SGCG: variants seen among roughly 807,000 people sequenced by gnomAD.
SGCG encodes the protein gamma-sarcoglycan.
In SGCG, 26 loss-of-function variants were observed where a neutral mutation model predicts 29.3. The ratio of observed to expected loss-of-function variants is 0.89; its 90% confidence interval spans 0.65 to 1.23. The LOEUF is 1.23. SGCG is among the 50% of genes most tolerant of loss of function. SGCG has a pLI of 0.00. For synonymous variants in SGCG, 145 were observed against 129.7 expected, an observed-to-expected ratio of 1.12 and a Z score of -0.80; for missense variants, 353 against 356.0, an observed-to-expected ratio of 0.99 and a Z score of 0.07.
chr13:23,183,938 T>C (rs1425434287), intron 1 of SGCG, among the ~76,000 whole-genome samples: 1 of 152,232 alleles, frequency 6.6e-6, no homozygotes, highest in African/African-American at 2.4e-5. Context: ...AGTGCTGGGA[T>C]TACAGGCATG....
intron 1 of SGCG, among the ~76,000 whole-genome samples, chr13:23,191,117 A>G (rs1877230151): frequency 1.3e-5 from 2 of 152,188 alleles, no homozygotes; most frequent in African/African-American, 4.8e-5. Context: ...TCAAGACATA[A>G]ATCATCTTCT....
chr13:23,203,065 T>C (rs1877827881), intron 1 of SGCG, among the ~76,000 whole-genome samples: 1 of 152,104 alleles, frequency 6.6e-6, no homozygotes, highest in East Asian at 1.9e-4. Context: ...GTTCAAGCGA[T>C]TCTCCTGCCT....
intron 1 of SGCG, among the ~76,000 whole-genome samples, chr13:23,197,295 C>T (rs1022391091): frequency 6.6e-6 from 1 of 152,148 alleles, no homozygotes; most frequent in Non-Finnish European, 1.5e-5. Context: ...TGACTTCTCA[C>T]GTGGGTTACC....
chr13:23,244,392 G>C (rs560420989), intron 3 of SGCG: 1 of 152,314 alleles, frequency 6.6e-6, no homozygotes, highest in African/African-American at 2.4e-5. Context: ...GAAATTATGA[G>C]AAGCCTTTGT....
intron 5 of SGCG, among the ~76,000 whole-genome samples, chr13:23,293,640 G>A (rs1881798607): frequency 1.3e-5 from 2 of 152,140 alleles, no homozygotes; most frequent in Admixed American, 1.3e-4. Flanking sequence ...AGACCAGACT[G>A]GCCAACATGT....
intron 3 of SGCG, among the ~76,000 whole-genome samples, chr13:23,236,446 G>A (rs1879314936): frequency 6.6e-6 from 1 of 152,148 alleles, no homozygotes; most frequent in Non-Finnish European, 1.5e-5. Flanking sequence ...GGGAGGCCGA[G>A]GCGGGCAGAT....
At chr13:23,222,433 GA>G (rs1878706625) in intron 2 of SGCG, among the ~76,000 whole-genome samples, 1 of 60,506 alleles carries the variant, frequency 1.7e-5, no homozygotes, top group African/African-American at 5.2e-5. Flanking sequence ...TTTTATGTAT[GA>G]TGTGAGAGAG....
At position 23,236,087 on chromosome 13, in the gene SGCG, T is replaced by C. The variant is rs73435030; in HGVS notation, c.297+1375T>C. On this transcript the variant is annotated intron_variant, in intron 3 of 7. Transcript: ENST00000218867. ...AGCCAGAAGATGACCTGCAGTATAA[T>C]AGGCAGGTAAGAGCCTGATTCTGTG... 1.8e-3 allele frequency among the ~76,000 whole-genome samples: 273 copies of C among 152,322 alleles called. 1 individual carries two copies. Among genetic ancestry groups the C allele is most frequent in the African/African-American group, 6.1e-3 (254 of 41,578 alleles).
At chr13:23,247,069 C>T in intron 3 of SGCG, 1 of 168,124 alleles carries the variant, frequency 5.9e-6, no homozygotes, top group African/African-American at 2.4e-5. Flanking sequence ...TGCCAGTATG[C>T]CCACCCAGGC....
chr13:23,281,917 G>T (rs540910233), intron 5 of SGCG, among the ~76,000 whole-genome samples: 2 of 152,192 alleles, frequency 1.3e-5, no homozygotes, highest in Admixed American at 6.5e-5. Flanking sequence ...CCCTGCTCTA[G>T]AACATGCTTT....
At chr13:23,193,155 C>A (rs151211014) in intron 1 of SGCG, among the ~76,000 whole-genome samples, 1 of 152,126 alleles carries the variant, frequency 6.6e-6, no homozygotes, top group Non-Finnish European at 1.5e-5. Flanking sequence ...GCAGTGGGAA[C>A]AACGTGTCCA....
chr13:23,201,540 C>T (rs1226346852), intron 1 of SGCG, among the ~76,000 whole-genome samples: 1 of 152,012 alleles, frequency 6.6e-6, no homozygotes, highest in Non-Finnish European at 1.5e-5. Flanking sequence ...GAGCAAGGAA[C>T]GTGGGCAGCT....
intron 6 of SGCG, 52 bp downstream of exon 6, chr13:23,295,539 G>A (rs373435856): frequency 9.9e-6 from 12 of 1,213,336 alleles, no homozygotes; most frequent in Non-Finnish European, 1.5e-5. Flanking sequence ...AGACAAGAGG[G>A]TATGTGCTGG....
chr13:23,197,013 A>G (rs1877539069), intron 1 of SGCG, among the ~76,000 whole-genome samples: 1 of 152,228 alleles, frequency 6.6e-6, no homozygotes, highest in African/African-American at 2.4e-5. Flanking sequence ...AGCAACTTGT[A>G]TAGACTGGAT....
At chr13:23,291,952 C>A (rs1234300971) in intron 5 of SGCG, among the ~76,000 whole-genome samples, 3 of 152,106 alleles carry the variant, frequency 2.0e-5, no homozygotes, top group African/African-American at 7.2e-5. Flanking sequence ...GCTGAAATGG[C>A]CTGCTGTCAC....
At chr13:23,171,631 A>G in the SGCG span, among the ~76,000 whole-genome samples, 2 of 152,166 alleles carry the variant, frequency 1.3e-5, no homozygotes, top group Non-Finnish European at 2.9e-5. Flanking sequence ...CAGTTTTTCC[A>G]TAGATGGAGG....
intron 5 of SGCG, among the ~76,000 whole-genome samples, chr13:23,285,911 G>A (rs969659616): frequency 6.6e-6 from 1 of 152,144 alleles, no homozygotes; most frequent in Admixed American, 6.5e-5. Context: ...ACCCCACCCT[G>A]CTTTGGCTCA....
chr13:23,250,786 T>C, intron 4 of SGCG, 69 bp downstream of exon 4: 1 of 903,376 alleles, frequency 1.1e-6, no homozygotes, highest in Non-Finnish European at 1.9e-6. Context: ...GAATGCATTG[T>C]TTTTTCTTCT....
the SGCG span, among the ~76,000 whole-genome samples, chr13:23,168,289 A>T: frequency 0.82 from 125,378 of 152,116 alleles, 52,111 homozygotes; most frequent in South Asian, 0.91. Flanking sequence ...TATTCCCTTA[A>T]TTTGTCACTA....
Sources: allele counts gnomAD v4.1 joint callset (sites outside exome capture counted in the v4.1 genomes callset), GRCh38; gene constraint gnomAD v4.1.1; transcripts MANE v1.5; gene names NCBI Gene and HGNC (gene_info 2026-07-23, HGNC 2026-07-21).